The following SLC8A3 variants were observed in gnomAD, a reference collection of about 807,000 sequenced individuals.
SLC8A3 encodes solute carrier family 8 member A3, also known as sodium/calcium exchanger 3.
SLC8A3 carries 37 observed loss-of-function variants against 65.4 expected under a neutral mutation model. That is an observed-to-expected ratio of 0.57 (90% CI 0.44 to 0.74). The LOEUF is 0.74. Ranked by LOEUF, SLC8A3 falls within the 30% of genes least tolerant of loss-of-function variation. The probability of loss-of-function intolerance (pLI) is 0.00; values close to 1 mark genes in which losing one functional copy is unlikely to be tolerated. For synonymous variants in SLC8A3, 461 were observed against 444.5 expected (o/e 1.04, Z -0.47); for missense variants, 1,112 against 1,172.1 (o/e 0.95, Z 0.75).
chr14:70,077,585 A>G (rs1890654284), intron 2 of SLC8A3, among the ~76,000 whole-genome samples: 1 of 152,172 alleles, frequency 6.6e-6, no homozygotes, highest in African/African-American at 2.4e-5. Context: ...TCGACCTTGG[A>G]TAAGGAGAAG....
chr14:70,184,842 G>A (rs375147726), intron 1 of SLC8A3, among the ~76,000 whole-genome samples: 82 of 152,286 alleles, frequency 5.4e-4, no homozygotes, highest in Middle Eastern at 6.8e-3. Flanking sequence ...CTAGCTGAAT[G>A]AATAAATGAA....
intron 2 of SLC8A3, among the ~76,000 whole-genome samples, chr14:70,114,944 A>G (rs896336921): frequency 6.6e-6 from 1 of 152,138 alleles, no homozygotes; most frequent in African/African-American, 2.4e-5. Context: ...TACACAAGGG[A>G]CTTTGCAGAG....
intron 3 of SLC8A3, among the ~76,000 whole-genome samples, chr14:70,055,242 C>A (rs1044072373): frequency 6.6e-6 from 1 of 152,128 alleles, no homozygotes; most frequent in Non-Finnish European, 1.5e-5. Flanking sequence ...GGGTCAATGA[C>A]AAATGAACCA....
At chr14:70,097,165 C>A (rs2140090713) in intron 2 of SLC8A3, among the ~76,000 whole-genome samples, 1 of 151,742 alleles carries the variant, frequency 6.6e-6, no homozygotes. Flanking sequence ...GCAATCAATA[C>A]AAACTAACTG....
intron 2 of SLC8A3, among the ~76,000 whole-genome samples, chr14:70,140,637 A>C (rs1895505978): frequency 6.6e-6 from 1 of 152,194 alleles, no homozygotes; most frequent in African/African-American, 2.4e-5. Context: ...ACCTACCAAC[A>C]AGGTATTGTG....
intron 2 of SLC8A3, among the ~76,000 whole-genome samples, chr14:70,161,516 G>A (rs1896893661): frequency 6.6e-6 from 1 of 152,066 alleles, no homozygotes; most frequent in South Asian, 2.1e-4. Flanking sequence ...AGTTGTAGTG[G>A]CTGACTGTCT....
At chr14:70,064,432 C>T (rs1398243271) in intron 2 of SLC8A3, among the ~76,000 whole-genome samples, 3 of 150,534 alleles carry the variant, frequency 2.0e-5, no homozygotes, top group East Asian at 3.9e-4. Context: ...TTCATGAAAG[C>T]AGAAAGGGAC....
chr14:70,170,774 G>A (rs767792916), intron 1 of SLC8A3, among the ~76,000 whole-genome samples: 2 of 152,148 alleles, frequency 1.3e-5, no homozygotes, highest in Non-Finnish European at 2.9e-5. Context: ...AAGAGCTGAG[G>A]ATTTACTTGG....
chr14:70,114,322 G>A (rs1893513542), intron 2 of SLC8A3, among the ~76,000 whole-genome samples: 1 of 152,184 alleles, frequency 6.6e-6, no homozygotes, highest in African/African-American at 2.4e-5. Context: ...GTAAGGAAAT[G>A]GATAGGGGAA....
At chr14:70,138,194 G>A (rs73276772) in intron 2 of SLC8A3, among the ~76,000 whole-genome samples, 9,754 of 152,194 alleles carry the variant, frequency 0.064, 367 homozygotes, top group African/African-American at 0.096. Context: ...AGCAGCCCTA[G>A]GATGGGAGGA....
chr14:70,172,508 C>A (rs1897612439), intron 1 of SLC8A3, among the ~76,000 whole-genome samples: 1 of 152,132 alleles, frequency 6.6e-6, no homozygotes, highest in African/African-American at 2.4e-5. Context: ...CCCACACCTG[C>A]TCAGAGGAGA....
chr14:70,108,395 G>A (rs1221843188), intron 2 of SLC8A3, among the ~76,000 whole-genome samples: 5 of 132,442 alleles, frequency 3.8e-5, no homozygotes, highest in Admixed American at 7.7e-5. Context: ...GCAAGACTCC[G>A]TCTCAAAAAA....
chr14:70,174,662 G>GTTTGTT (rs1566833477), intron 1 of SLC8A3, among the ~76,000 whole-genome samples: 2 of 66,516 alleles, frequency 3.0e-5, no homozygotes, highest in Admixed American at 1.7e-4. Flanking sequence ...TTTTTTTTTT[G>GTTTGTT]TTTTTTTTTT....
At chr14:70,068,633 C>A (rs1476105305) in intron 2 of SLC8A3, among the ~76,000 whole-genome samples, 1 of 152,174 alleles carries the variant, frequency 6.6e-6, no homozygotes, top group Non-Finnish European at 1.5e-5. Flanking sequence ...ATCCTCTCAC[C>A]TTGACCTCCC....
chr14:70,126,566 TCTCTCACA>T lies in SLC8A3; in HGVS notation c.1784+40065_1784+40072del, dbSNP rs747394636. 2.0e-3 allele frequency among the ~76,000 whole-genome samples: 219 copies of T among 107,206 alleles called. 1 individual carries two copies. The highest frequency in any genetic ancestry group is 7.5e-3 in the African/African-American group (205 of 27,492). 70.3% of individuals were successfully genotyped at this position (107,206 alleles called of 152,430 possible). On this transcript the variant is annotated intron_variant, in intron 2 of 6. Transcript: ENST00000356921. ...AGAAAATTCTCTCTCTCTCTCTCTC[TCTCTCACA>T]CACACACACACACACACACACACAC...
chr14:70,049,327 G>A, intron 5 of SLC8A3, among the ~76,000 whole-genome samples: 1 of 152,326 alleles, frequency 6.6e-6, no homozygotes, highest in Non-Finnish European at 1.5e-5. Flanking sequence ...GGACAAGACA[G>A]TGGAGCAGAA....
At chr14:70,138,947 G>A (rs752085243) in intron 2 of SLC8A3, among the ~76,000 whole-genome samples, 3 of 152,190 alleles carry the variant, frequency 2.0e-5, no homozygotes, top group Non-Finnish European at 4.4e-5. Flanking sequence ...AGTGCCAGGC[G>A]CTGTGCTAAT....
intron 2 of SLC8A3, chr14:70,063,842 C>T: frequency 6.2e-7 from 1 of 1,605,566 alleles, no homozygotes; most frequent in Non-Finnish European, 8.5e-7. Flanking sequence ...AACTCATATC[C>T]ACCATGCGGG....
chr14:70,111,762 T>G (rs559141591), intron 2 of SLC8A3, among the ~76,000 whole-genome samples: 7 of 152,280 alleles, frequency 4.6e-5, no homozygotes, highest in African/African-American at 1.7e-4. Flanking sequence ...ATGTGGGAAA[T>G]GGAAACGCTA....
Sources: gnomAD v4.1 joint callset for allele counts (sites outside exome capture counted in the v4.1 genomes callset) on GRCh38, gnomAD v4.1.1 for gene constraint, MANE v1.5 for transcripts, NCBI Gene and HGNC (gene_info 2026-07-23, HGNC 2026-07-21) for gene names.